Variants in SOX5 observed in about 807,000 individuals in gnomAD.
The protein encoded by SOX5 is transcription factor SOX-5.
In SOX5, 9 loss-of-function variants were observed where a neutral mutation model predicts 92.0. That is an observed-to-expected ratio of 0.10 (90% CI 0.06 to 0.17). The LOEUF (loss-of-function observed/expected upper bound fraction) is 0.17, where lower values mean the gene tolerates loss of function less well. Among genes scored for constraint, SOX5 ranks in the 10% least tolerant of loss-of-function variants. The pLI is 1.00. For synonymous variants in SOX5, 344 were observed against 336.3 expected (o/e 1.02, Z -0.25); for missense variants, 642 against 944.5 (o/e 0.68, Z 4.20).
intron 9 of SOX5, among the ~76,000 whole-genome samples, chr12:23,597,145 T>C (rs1356186416): frequency 6.6e-6 from 1 of 152,228 alleles, no homozygotes; most frequent in Non-Finnish European, 1.5e-5. Flanking sequence ...TAAAAAGCTT[T>C]GACATGGCTC....
At chr12:24,520,386 C>T (rs1566374837) in intron 1 of SOX5, among the ~76,000 whole-genome samples, 1 of 151,458 alleles carries the variant, frequency 6.6e-6, no homozygotes, top group Non-Finnish European at 1.5e-5. Context: ...TGCATGCAGT[C>T]GAAGCTAAGA....
At chr12:23,816,594 G>C (rs976747726) in intron 3 of SOX5, among the ~76,000 whole-genome samples, 1 of 152,066 alleles carries the variant, frequency 6.6e-6, no homozygotes, top group Admixed American at 6.6e-5. Flanking sequence ...AGGATGAATG[G>C]CCATCATTCA....
chr12:23,535,120 C>T (rs897352631), intron 14 of SOX5, among the ~76,000 whole-genome samples: 2 of 152,144 alleles, frequency 1.3e-5, no homozygotes, highest in South Asian at 4.1e-4. Flanking sequence ...AACTGAGGTG[C>T]AGAAAGATGA....
At position 23,533,491 on chromosome 12, in the gene SOX5, T is replaced by C; in HGVS notation, c.*728A>G. 5.3e-6 allele frequency: 1 copy of C among 188,406 alleles called. No individual in the cohort carries two copies. Among genetic ancestry groups the C allele is most frequent in the South Asian group, 1.0e-4 (1 of 9,674 alleles). 11.7% of individuals were successfully genotyped at this position (188,406 alleles called of 1,614,324 possible). On this transcript the variant is annotated 3_prime_UTR_variant, in exon 15 of 15. Transcript: ENST00000451604. ...AAAATGAACTTGGTCAACACTTCAG[T>C]ACAAATTTGGCACTTGCTCAAAGAT...
intron 1 of SOX5, among the ~76,000 whole-genome samples, chr12:23,921,682 G>C (rs764563689): frequency 6.6e-6 from 1 of 152,186 alleles, no homozygotes; most frequent in African/African-American, 2.4e-5. Flanking sequence ...AGACTGTGAG[G>C]ACTGAAACTC....
intron 4 of SOX5, among the ~76,000 whole-genome samples, chr12:24,204,845 A>C (rs961131896): frequency 2.0e-5 from 3 of 151,670 alleles, no homozygotes; most frequent in Non-Finnish European, 4.4e-5. Context: ...GATGCTGAGC[A>C]GCATGTGAAT....
intron 11 of SOX5, among the ~76,000 whole-genome samples, chr12:23,555,892 A>T (rs1375043586): frequency 6.6e-6 from 1 of 152,224 alleles, no homozygotes; most frequent in Non-Finnish European, 1.5e-5. Context: ...GAAGAAAACC[A>T]TCTAGAACAA....
At chr12:23,727,843 A>G (rs1453718425) in intron 6 of SOX5, among the ~76,000 whole-genome samples, 1 of 152,080 alleles carries the variant, frequency 6.6e-6, no homozygotes, top group Non-Finnish European at 1.5e-5. Flanking sequence ...TGAGCTTGAG[A>G]TGGTTGCTTT....
intron 3 of SOX5, among the ~76,000 whole-genome samples, chr12:23,769,185 T>C (rs536918600): frequency 7.2e-5 from 11 of 152,260 alleles, no homozygotes; most frequent in Admixed American, 6.5e-4. Context: ...TCCAAACATG[T>C]GAAGAGTTCT....
At chr12:23,580,887 T>C (rs1949944896) in intron 9 of SOX5, among the ~76,000 whole-genome samples, 1 of 152,066 alleles carries the variant, frequency 6.6e-6, no homozygotes, top group African/African-American at 2.4e-5. Context: ...GAAACAAATA[T>C]GTAGCCTTAG....
intron 2 of SOX5, among the ~76,000 whole-genome samples, chr12:24,337,323 C>A (rs1952022305): frequency 6.7e-6 from 1 of 149,928 alleles, no homozygotes; most frequent in Non-Finnish European, 1.5e-5. Context: ...GGCATTACAC[C>A]TCTAAATCTG....
At chr12:24,072,722 T>C (rs1168666540) in intron 4 of SOX5, among the ~76,000 whole-genome samples, 1 of 152,144 alleles carries the variant, frequency 6.6e-6, no homozygotes, top group Non-Finnish European at 1.5e-5. Context: ...CCTCAAAGAG[T>C]AAAATAAATT....
At chr12:24,253,789 G>T (rs1430403119) in intron 3 of SOX5, among the ~76,000 whole-genome samples, 1 of 152,072 alleles carries the variant, frequency 6.6e-6, no homozygotes, top group African/African-American at 2.4e-5. Context: ...ATTTACTATG[G>T]CATTTAACTC....
chr12:24,188,484 G>A (rs575494744), intron 4 of SOX5, among the ~76,000 whole-genome samples: 4 of 152,094 alleles, frequency 2.6e-5, no homozygotes, highest in Non-Finnish European at 5.9e-5. Context: ...AAAACAATGA[G>A]TGAAGATTTT....
At chr12:24,466,780 A>G (rs1944283560) in intron 1 of SOX5, among the ~76,000 whole-genome samples, 1 of 152,204 alleles carries the variant, frequency 6.6e-6, no homozygotes, top group East Asian at 1.9e-4. Flanking sequence ...CACCAAACCT[A>G]TGAAATCAAA....
At chr12:24,502,936 C>G (rs1255522428) in intron 1 of SOX5, among the ~76,000 whole-genome samples, 1 of 152,124 alleles carries the variant, frequency 6.6e-6, no homozygotes, top group Non-Finnish European at 1.5e-5. Flanking sequence ...AAATAATTGA[C>G]TAGCACTCAT....
intron 3 of SOX5, among the ~76,000 whole-genome samples, chr12:23,779,587 G>C (rs1039275403): frequency 6.6e-6 from 1 of 151,278 alleles, no homozygotes; most frequent in Admixed American, 6.6e-5. Context: ...TTTAAAAACT[G>C]TTCCTAGTCC....
At chr12:24,145,817 T>G (rs1420506671) in intron 4 of SOX5, among the ~76,000 whole-genome samples, 1 of 152,214 alleles carries the variant, frequency 6.6e-6, no homozygotes, top group African/African-American at 2.4e-5. Context: ...ATACCATTAA[T>G]TTTAAAAAGC....
At chr12:24,540,082 C>CT (rs1951983539) in intron 1 of SOX5, among the ~76,000 whole-genome samples, 1 of 152,054 alleles carries the variant, frequency 6.6e-6, no homozygotes, top group African/African-American at 2.4e-5. Context: ...AATGAATACA[C>CT]ATACTTACAG....
Sources: gnomAD v4.1 joint callset for allele counts (sites outside exome capture counted in the v4.1 genomes callset) on GRCh38, gnomAD v4.1.1 for gene constraint, MANE v1.5 for transcripts, NCBI Gene and HGNC (gene_info 2026-07-23, HGNC 2026-07-21) for gene names.